The following NPC1 variants were observed in gnomAD, a reference collection of about 807,000 sequenced individuals.
NPC1 encodes the protein Niemann-Pick C1 protein.
In NPC1, 85 loss-of-function variants were observed where a neutral mutation model predicts 140.4. The observed-to-expected ratio is 0.61, with a 90% CI of 0.51 to 0.72. The LOEUF (loss-of-function observed/expected upper bound fraction) is 0.72, where lower values mean the gene tolerates loss of function less well. NPC1 is among the 30% of genes least tolerant of loss of function. NPC1 has a pLI of 0.00. For synonymous variants in NPC1, 656 were observed against 624.8 expected, an observed-to-expected ratio of 1.05 and a Z score of -0.74; for missense variants, 1,504 against 1,623.8, an observed-to-expected ratio of 0.93 and a Z score of 1.27.
chr18:23,528,126 ACT>A, downstream of NPC1: 1 of 442,194 alleles, frequency 2.3e-6, no homozygotes, highest in Non-Finnish European at 4.0e-6. Flanking sequence ...TCATACCTTC[ACT>A]GTTTTTGTTT....
intron 11 of NPC1, among the ~76,000 whole-genome samples, chr18:23,546,110 G>A (rs547273426): frequency 2.6e-4 from 39 of 151,760 alleles, no homozygotes; most frequent in Non-Finnish European, 1.5e-5. Context: ...TTAGCCAGGC[G>A]TGGTGGAAGG....
intron 14 of NPC1, among the ~76,000 whole-genome samples, chr18:23,541,966 A>T (rs2058718609): frequency 6.6e-6 from 1 of 152,158 alleles, no homozygotes; most frequent in South Asian, 2.1e-4. Flanking sequence ...AGATTAAAAA[A>T]CTTTTTTTTA....
rs149741829 is a variant in NPC1, at chr18:23,509,176, T to A, written c.432-2534A>T. The A allele has an allele frequency of 8.0e-4, 950 of 1,190,658 alleles. 5 individuals are homozygous for A. The African/African-American group carries it at 9.2e-3, about 11-fold the overall frequency. 73.8% of individuals were successfully genotyped at this position (1,190,658 alleles called of 1,614,324 possible). On this transcript the variant is annotated intron_variant, in intron 3 of 3. Coordinates refer to the NPC1 transcript ENST00000591107. ...TTTTCTTATTAATTAAAAATATTTT[T>A]AAAAAATTTTTCTTAGACTAAGAAT...
chr18:23,563,973 ATT>A (rs2059082136), intron 4 of NPC1, among the ~76,000 whole-genome samples: 1 of 141,986 alleles, frequency 7.0e-6, no homozygotes, highest in Admixed American at 7.1e-5. Context: ...TTTATTTATC[ATT>A]GAGTAGTAAG....
At chr18:23,567,796 G>A (rs959950146) in intron 4 of NPC1, among the ~76,000 whole-genome samples, 1 of 152,188 alleles carries the variant, frequency 6.6e-6, no homozygotes, top group Non-Finnish European at 1.5e-5. Flanking sequence ...AATTATGGTT[G>A]TAAGTGGTGG....
Position 23,553,067 on chromosome 18 carries a change from G to A in NPC1, c.1554-1340C>T, listed in dbSNP as rs368025476. ...AAGGGGACAGCGCTAGGGCGAGACT[G>A]GGGTTATGAGGACGCGCACAAGCAT... On this transcript the variant is annotated intron_variant, in intron 9 of 24. Transcript: ENST00000269228. 4.6e-5 allele frequency among the ~76,000 whole-genome samples: 7 copies of A among 152,220 alleles called. No individual in the cohort carries two copies. The East Asian group carries it at 7.7e-4, about 17-fold the overall frequency.
At chr18:23,585,148 C>CT (rs914334381) in intron 1 of NPC1, among the ~76,000 whole-genome samples, 1 of 152,156 alleles carries the variant, frequency 6.6e-6, no homozygotes, top group East Asian at 1.9e-4. Context: ...ATTTCTCTCT[C>CT]TTTTTTGTTT....
rs150602021 is a variant in NPC1, at chr18:23,534,509, C to T, written c.3528G>A (p.Thr1176=). ...EFCSHITRAF[T]VSMKGSRVER... ...CCACGCGGCTGCCTTTCATGCTCAC[C>T]GTGAACGCTCTGGTTATGTGGCTGC... The change falls in exon 23 of 25, where the codon ACG becomes ACA. Residue 1176 remains threonine (T), a synonymous_variant. Transcript: ENST00000269228. 6.9e-5 allele frequency: 112 copies of T among 1,614,160 alleles called. No individual in the cohort carries two copies. The highest frequency in any genetic ancestry group is 1.8e-4 in the Admixed American group (11 of 60,022).
intron 10 of NPC1, among the ~76,000 whole-genome samples, chr18:23,548,397 C>T (rs952501700): frequency 7.0e-6 from 1 of 142,456 alleles, no homozygotes; most frequent in Non-Finnish European, 1.5e-5. Flanking sequence ...TCAAACAGAA[C>T]AGAAAAGTGT....
chr18:23,555,113 G>A, intron 8 of NPC1, 129 bp from the exon 9 acceptor site: 2 of 724,714 alleles, frequency 2.8e-6, no homozygotes, highest in African/African-American at 1.7e-5. Context: ...CTAAGATGAG[G>A]GAGAGAATTA....
intron 21 of NPC1, among the ~76,000 whole-genome samples, chr18:23,535,906 G>A (rs2058623085): frequency 6.6e-6 from 1 of 152,012 alleles, no homozygotes; most frequent in East Asian, 1.9e-4. Context: ...CAGCAGTGAT[G>A]CAAAATGTAT....
downstream of NPC1, chr18:23,529,099 TCA>T: frequency 6.5e-7 from 1 of 1,539,920 alleles, no homozygotes; most frequent in East Asian, 2.3e-5. Flanking sequence ...ATCGAAGAAT[TCA>T]GTCCTTGTGG....
Position 23,574,348 on chromosome 18 carries a change from C to A in NPC1, c.58-774G>T, listed in dbSNP as rs140774719. On this transcript the variant is annotated intron_variant, in intron 1 of 24. Coordinates refer to ENST00000269228, the MANE Select transcript of NPC1 (RefSeq NM_000271.5). ...ACTCAGAAAGCCACAGAGGGCCCAGCTTGCCAGGGCCCCGGGCCTGCAATC... is the reference window on the plus strand; with the variant it reads ...ACTCAGAAAGCCACAGAGGGCCCAGATTGCCAGGGCCCCGGGCCTGCAATC... Among the ~76,000 whole-genome samples, 937 of 152,148 alleles carry A rather than the reference C, an allele frequency of 6.2e-3. 9 individuals carry two copies. Among genetic ancestry groups the A allele is most frequent in the African/African-American group, 0.021 (870 of 41,470 alleles).
At chr18:23,576,237 A>C (rs1036875644) in intron 1 of NPC1, among the ~76,000 whole-genome samples, 12 of 151,570 alleles carry the variant, frequency 7.9e-5, no homozygotes, top group East Asian at 1.9e-4. Context: ...AACAAACAAA[A>C]AAACAAAACA....
chr18:23,554,548 G>A (rs1332097060), intron 9 of NPC1, among the ~76,000 whole-genome samples: 3 of 151,402 alleles, frequency 2.0e-5, no homozygotes, highest in African/African-American at 7.3e-5. Context: ...GGAGGTTACA[G>A]TGAGCCAAGA....
At chr18:23,518,831 T>A, downstream of NPC1, 1 of 1,499,216 alleles carries the variant, frequency 6.7e-7, no homozygotes, top group Non-Finnish European at 9.3e-7. Flanking sequence ...TGATGCCATT[T>A]AGAACAAAGG....
At chr18:23,536,253 C>T (rs2058628572) in intron 21 of NPC1, among the ~76,000 whole-genome samples, 1 of 152,160 alleles carries the variant, frequency 6.6e-6, no homozygotes, top group Non-Finnish European at 1.5e-5. Context: ...TACTTTTCTT[C>T]CTGGGAAAAA....
intron 6 of NPC1, 84 bp downstream of exon 6, chr18:23,560,147 A>T: frequency 6.4e-7 from 1 of 1,552,188 alleles, no homozygotes; most frequent in Non-Finnish European, 8.9e-7. Flanking sequence ...TGTCCTAAGT[A>T]ACCAAGCTCT....
At chr18:23,563,968 T>G (rs4800493) in intron 4 of NPC1, among the ~76,000 whole-genome samples, 1 of 148,082 alleles carries the variant, frequency 6.8e-6, no homozygotes, top group East Asian at 2.0e-4. Context: ...GGTTATTTAT[T>G]TATCATTGAG....
Sources: allele counts gnomAD v4.1 joint callset (sites outside exome capture counted in the v4.1 genomes callset), GRCh38; gene constraint gnomAD v4.1.1; transcripts MANE v1.5; gene names NCBI Gene and HGNC (gene_info 2026-07-23, HGNC 2026-07-21).